Variants in FAR2 observed in about 807,000 individuals in gnomAD.
FAR2 encodes the protein epididymis secretory protein Li 81.
FAR2 carries 19 observed loss-of-function variants against 56.0 expected under a neutral mutation model. The ratio of observed to expected loss-of-function variants is 0.34; its 90% CI spans 0.24 to 0.50. The LOEUF is 0.50. Among genes scored for constraint, FAR2 ranks in the 20% least tolerant of loss-of-function variants. The pLI, the probability that FAR2 is intolerant of heterozygous loss-of-function variation, is 0.98. For missense variants in FAR2, 508 were observed against 642.2 expected, an observed-to-expected ratio of 0.79 and a Z score of 2.26; for synonymous variants, 219 against 218.8, an observed-to-expected ratio of 1.00 and a Z score of -0.01.
chr12:29,174,912 G>A (rs1949922627), intron 1 of FAR2, among the ~76,000 whole-genome samples: 2 of 152,200 alleles, frequency 1.3e-5, no homozygotes, highest in South Asian at 4.1e-4. Context: ...GGACCCCGAA[G>A]CTGAATGGCT....
At chr12:29,193,751 T>C (rs1950121522) in intron 1 of FAR2, among the ~76,000 whole-genome samples, 1 of 152,228 alleles carries the variant, frequency 6.6e-6, no homozygotes, top group Admixed American at 6.5e-5. Flanking sequence ...TTCACCTCTT[T>C]TGGGTAAATA....
intron 10 of FAR2, among the ~76,000 whole-genome samples, chr12:29,328,684 T>C (rs902452649): frequency 7.1e-6 from 1 of 140,582 alleles, no homozygotes; most frequent in African/African-American, 2.7e-5. Context: ...TAGGTGGGAA[T>C]TGAACAATGA....
intron 11 of FAR2, 66 bp from the exon 12 acceptor site, chr12:29,333,566 T>C: frequency 7.1e-7 from 1 of 1,411,970 alleles, no homozygotes; most frequent in Admixed American, 1.9e-5. Context: ...AACACATATT[T>C]ATCTTCAGAT....
chr12:29,297,978 A>G (rs929303785), intron 4 of FAR2, among the ~76,000 whole-genome samples: 5 of 150,696 alleles, frequency 3.3e-5, no homozygotes, highest in African/African-American at 1.2e-4. Context: ...AGAGGTTGCA[A>G]TGAGCCGAGA....
intron 1 of FAR2, among the ~76,000 whole-genome samples, chr12:29,176,050 G>T (rs1314092573): frequency 6.6e-6 from 1 of 152,120 alleles, no homozygotes; most frequent in Non-Finnish European, 1.5e-5. Flanking sequence ...TTTTAAATTT[G>T]CACTTCTGTA....
At chr12:29,225,588 A>G (rs1591867148) in intron 1 of FAR2, among the ~76,000 whole-genome samples, 1 of 152,300 alleles carries the variant, frequency 6.6e-6, no homozygotes, top group Non-Finnish European at 1.5e-5. Flanking sequence ...GCTCTGTAAT[A>G]CTATTTCTAG....
Position 29,332,949 on chromosome 12 carries a change from A to C in FAR2, c.1385+222A>C. ...GTTACCCCATTTTTATGAGGCAGATATCTAGATTTAAACACAGCAAATAAC... is the reference window on the plus strand; with the variant it reads ...GTTACCCCATTTTTATGAGGCAGATCTCTAGATTTAAACACAGCAAATAAC... On this transcript the variant is annotated intron_variant, in intron 11 of 11. Transcript: ENST00000536681. 2.0e-5 allele frequency: 12 copies of C among 610,058 alleles called. 1 individual carries two copies. Among genetic ancestry groups the C allele is most frequent in the South Asian group, 1.8e-4 (12 of 65,110 alleles). 37.8% of individuals were successfully genotyped at this position (610,058 alleles called of 1,614,324 possible). A position where few individuals can be genotyped will look rare whatever the true frequency, so the allele number is the denominator to read the frequency against.
chr12:29,239,461 T>TGC (rs1947992442), intron 1 of FAR2, among the ~76,000 whole-genome samples: 1 of 151,464 alleles, frequency 6.6e-6, no homozygotes, highest in East Asian at 1.9e-4. Context: ...ACTGTGTGTG[T>TGC]GTGTGTGTGT....
chr12:29,237,719 A>G (rs917797208), intron 1 of FAR2, among the ~76,000 whole-genome samples: 3 of 152,194 alleles, frequency 2.0e-5, no homozygotes, highest in Admixed American at 2.0e-4. Flanking sequence ...AAAATAAAGT[A>G]TGCGAACCTG....
At chr12:29,292,152 A>C (rs997337680) in intron 2 of FAR2, 20 of 152,212 alleles carry the variant, frequency 1.3e-4, no homozygotes, top group Non-Finnish European at 5.9e-5. Flanking sequence ...GAATAGCAGT[A>C]ACTTCTGTCT....
rs184914827 is a variant in FAR2 at position 29,168,765 on chromosome 12, G to A, written c.-39+19358G>A. On this transcript the variant is annotated intron_variant, in intron 1 of 11. Transcript: ENST00000536681. ...AAGGTGGTGTGGACCCAAAGAGTGAGCAACAGCAAGATTTACTGTGAAGAG... is the reference window on the plus strand; with the variant it reads ...AAGGTGGTGTGGACCCAAAGAGTGAACAACAGCAAGATTTACTGTGAAGAG... Among the ~76,000 whole-genome samples, 262 of 152,340 alleles carry A rather than the reference G, an allele frequency of 1.7e-3. 2 individuals carry two copies. Among genetic ancestry groups the A allele is most frequent in the Middle Eastern group, 6.8e-3 (2 of 294 alleles).
chr12:29,308,277 C>T (rs1949285788), intron 5 of FAR2, among the ~76,000 whole-genome samples: 1 of 152,088 alleles, frequency 6.6e-6, no homozygotes, highest in African/African-American at 2.4e-5. Context: ...ACTGTCATGA[C>T]CTTTTGAAAG....
In FAR2 at chr12:29,321,658, AAAG is replaced by A. The variant is rs143370993; in HGVS notation, c.1128-128_1128-126del. 8,998 of 1,023,964 alleles carry A rather than the reference AAAG, an allele frequency of 8.8e-3. 542 individuals carry two copies. In the African/African-American group the frequency reaches 0.13, roughly 15 times the overall value. The allele number at this position is 1,023,964 out of a possible 1,614,324, so 63.4% of individuals were successfully genotyped here. A position where few individuals can be genotyped will look rare whatever the true frequency, so the allele number is the denominator to read the frequency against. ...TAGAGAGTTAATGTGGAAGGAGAAA[AAAG>A]AAGAAGAATTTTAATGAGGAGTGGT... On this transcript the variant is annotated intron_variant, in intron 9 of 11. Coordinates refer to ENST00000536681, the MANE Select transcript of FAR2 (RefSeq NM_001271783.2).
chr12:29,281,054 T>C (rs958287528), intron 2 of FAR2: 5 of 152,194 alleles, frequency 3.3e-5, no homozygotes, highest in Non-Finnish European at 7.3e-5. Context: ...CATACCATTA[T>C]TGCATCCAGT....
chr12:29,272,073 T>C (rs1347192869), intron 2 of FAR2, among the ~76,000 whole-genome samples: 1 of 152,188 alleles, frequency 6.6e-6, no homozygotes, highest in Non-Finnish European at 1.5e-5. Context: ...TCAGGCAGTT[T>C]TTCTCAGTTA....
intron 1 of FAR2, among the ~76,000 whole-genome samples, chr12:29,213,237 A>T (rs1251117250): frequency 6.6e-6 from 1 of 151,952 alleles, no homozygotes; most frequent in Non-Finnish European, 1.5e-5. Flanking sequence ...GCAGAAGATG[A>T]GTAGGACTCT....
intron 1 of FAR2, among the ~76,000 whole-genome samples, chr12:29,240,184 T>A (rs1948004776): frequency 1.3e-5 from 2 of 152,210 alleles, no homozygotes; most frequent in Admixed American, 1.3e-4. Flanking sequence ...ATTTCAGATA[T>A]TTTAATGACA....
chr12:29,333,726 T>C lies in FAR2; in HGVS notation c.1480T>C (p.Phe494Leu), dbSNP rs1192080783. ...ATCTCAGATGGCTCGGAATGTCTGG[T>C]TCTTCATTGTAAGCTTCTGTTATAA... The part of the protein sequence containing the change: ...ARSQMARNVW[F>L]FIVSFCYKFL... Residue 494 changes from phenylalanine to leucine, a missense_variant, in exon 12 of 12, where the codon TTC (phenylalanine) becomes CTC (leucine). Transcript: ENST00000536681. 2 of 1,613,910 alleles carry C rather than the reference T, an allele frequency of 1.2e-6. No individual in the cohort carries two copies. Among genetic ancestry groups the C allele is most frequent in the South Asian group, 2.2e-5 (2 of 91,072 alleles).
chr12:29,283,719 G>A (rs1006363413), intron 2 of FAR2, among the ~76,000 whole-genome samples: 3 of 152,000 alleles, frequency 2.0e-5, no homozygotes, highest in African/African-American at 4.8e-5. Context: ...ACCAAATTTC[G>A]TGTGTTGAAA....
Sources: allele counts gnomAD v4.1 joint callset (sites outside exome capture counted in the v4.1 genomes callset), GRCh38; gene constraint gnomAD v4.1.1; transcripts MANE v1.5; gene names NCBI Gene and HGNC (gene_info 2026-07-23, HGNC 2026-07-21).